PRKCB: variants seen among roughly 807,000 people sequenced by gnomAD.
PRKCB encodes protein kinase C beta.
In PRKCB, 13 loss-of-function variants were observed where a neutral mutation model predicts 81.5. That is an observed-to-expected ratio of 0.16 (90% CI 0.10 to 0.25). The LOEUF (loss-of-function observed/expected upper bound fraction) is 0.25, where lower values mean the gene tolerates loss of function less well. PRKCB is among the 10% of genes least tolerant of loss of function. PRKCB has a pLI of 1.00. For missense variants in PRKCB, 509 were observed against 875.7 expected, an observed-to-expected ratio of 0.58 and a Z score of 5.29; for synonymous variants, 335 against 321.4, an observed-to-expected ratio of 1.04 and a Z score of -0.45.
intron 7 of PRKCB, among the ~76,000 whole-genome samples, chr16:24,110,089 AGAGAGGGAGAGGGAGACCGTGGGGAGAGG>A (rs1311517204): frequency 2.3e-5 from 3 of 132,844 alleles, no homozygotes; most frequent in African/African-American, 9.8e-5. Context: ...GACCGTGGAA[AGAGAGGGAGAGGGAGACCGTGGGGAGAGG>A]GAGAGGGAGA....
At chr16:23,907,513 G>A (rs140363209) in intron 2 of PRKCB, among the ~76,000 whole-genome samples, 2 of 152,212 alleles carry the variant, frequency 1.3e-5, no homozygotes, top group African/African-American at 4.8e-5. Context: ...CAATCCTCTT[G>A]CCTAGGCCTC....
chr16:24,076,181 T>C (rs923940164), intron 5 of PRKCB, among the ~76,000 whole-genome samples: 1 of 152,158 alleles, frequency 6.6e-6, no homozygotes, highest in Non-Finnish European at 1.5e-5. Context: ...TTCTCAGTCA[T>C]GGTGTGAGGG....
chr16:23,888,103 T>C (rs971911556), intron 2 of PRKCB, among the ~76,000 whole-genome samples: 1 of 152,230 alleles, frequency 6.6e-6, no homozygotes, highest in Non-Finnish European at 1.5e-5. Context: ...CTTCTTTGTT[T>C]TCCCAGCTTG....
In PRKCB at chr16:24,048,817, GC is replaced by G. The variant is rs753194814; in HGVS notation, c.529+13271del. ...TTTCTAAAACCCTTCCAAATGCCTGGCTTTTGCTAGGAACTCTACAAGCGTT... is the reference window on the plus strand; with the variant it reads ...TTTCTAAAACCCTTCCAAATGCCTGGTTTTGCTAGGAACTCTACAAGCGTT... On this transcript the variant is annotated intron_variant, in intron 5 of 16. Coordinates refer to ENST00000643927, the MANE Select transcript of PRKCB (RefSeq NM_002738.7). Among the ~76,000 whole-genome samples, 16 of 152,132 alleles carry G rather than the reference GC, an allele frequency of 1.1e-4. 3 individuals carry two copies. Among genetic ancestry groups the G allele is most frequent in the Admixed American group, 3.3e-4 (5 of 15,290 alleles).
At chr16:24,213,036 A>ATTTATTTC (rs1968170517) in intron 16 of PRKCB, among the ~76,000 whole-genome samples, 1 of 149,958 alleles carries the variant, frequency 6.7e-6, no homozygotes, top group East Asian at 2.0e-4. Context: ...TTATTTATTT[A>ATTTATTTC]TTTATTTATT....
intron 2 of PRKCB, among the ~76,000 whole-genome samples, chr16:23,910,784 C>T (rs1421452973): frequency 2.0e-5 from 3 of 152,078 alleles, no homozygotes; most frequent in Non-Finnish European, 2.9e-5. Flanking sequence ...TCTCATCACC[C>T]CCGAAAGAAA....
intron 2 of PRKCB, 89 bp downstream of exon 2, chr16:23,837,495 G>A: frequency 6.7e-7 from 1 of 1,503,142 alleles, no homozygotes; most frequent in Admixed American, 2.1e-5. Context: ...GGCAGAGAGT[G>A]AAAGAATCAC....
chr16:23,985,083 T>G (rs922754274), intron 2 of PRKCB, among the ~76,000 whole-genome samples: 3 of 152,142 alleles, frequency 2.0e-5, no homozygotes, highest in African/African-American at 7.2e-5. Context: ...TCCTATTGTT[T>G]TTGTTTGTTT....
intron 2 of PRKCB, among the ~76,000 whole-genome samples, chr16:23,899,603 A>ACTCTCT (rs370318979): frequency 4.4e-5 from 2 of 45,568 alleles, no homozygotes; most frequent in African/African-American, 1.4e-4. Flanking sequence ...ATCCATAAGA[A>ACTCTCT]CTCTCTCTCT....
At chr16:24,113,214 CTTCTTTCTCCTTTCT>C (rs1251109922) in intron 8 of PRKCB, 145 bp downstream of exon 8, 6 of 550,222 alleles carry the variant, frequency 1.1e-5, no homozygotes, top group Non-Finnish European at 1.8e-5. Flanking sequence ...CTTTTCTTTC[CTTCTTTCTCCTTTCT>C]TTCTTTCTTG....
intron 2 of PRKCB, among the ~76,000 whole-genome samples, chr16:23,913,193 G>A (rs543577340): frequency 1.9e-4 from 29 of 152,250 alleles, no homozygotes; most frequent in African/African-American, 7.0e-4. Flanking sequence ...GAACAGGAAA[G>A]CAGGTGTACC....
intron 3 of PRKCB, among the ~76,000 whole-genome samples, chr16:24,020,638 C>G (rs1965345401): frequency 6.6e-6 from 1 of 152,168 alleles, no homozygotes. Context: ...TAAGTCACTT[C>G]CCTGAGGTCA....
chr16:24,156,731 A>G (rs1000422885), intron 10 of PRKCB, among the ~76,000 whole-genome samples: 19 of 152,228 alleles, frequency 1.2e-4, no homozygotes, highest in Admixed American at 1.0e-3. Context: ...TAGTCTTACC[A>G]TGGGGATTTA....
chr16:24,082,450 A>G (rs1168500080), intron 5 of PRKCB, among the ~76,000 whole-genome samples: 2 of 152,212 alleles, frequency 1.3e-5, no homozygotes, highest in African/African-American at 2.4e-5. Flanking sequence ...ACTGTACCCA[A>G]TCTTAAGACT....
Position 24,217,931 on chromosome 16 carries a change from G to T in PRKCB, c.*3115G>T, listed in dbSNP as rs1968256263. ...TTTGGGAGACCTTTAGGATCAATGG[G>T]AATCAATTCCATTGTTTTGCCTCAG... On this transcript the variant is annotated 3_prime_UTR_variant, in exon 17 of 17. Coordinates refer to ENST00000643927, the MANE Select transcript of PRKCB (RefSeq NM_002738.7). 1.0e-6 allele frequency: 1 copy of T among 985,242 alleles called. No homozygotes were observed. Among genetic ancestry groups the T allele is most frequent in the South Asian group, 4.7e-5 (1 of 21,284 alleles). 61.0% of individuals were successfully genotyped at this position (985,242 alleles called of 1,614,324 possible).
intron 7 of PRKCB, among the ~76,000 whole-genome samples, chr16:24,108,196 T>C (rs1966602654): frequency 6.6e-6 from 1 of 150,848 alleles, no homozygotes; most frequent in South Asian, 2.1e-4. Context: ...GAACATTAAT[T>C]AGGTTTTATT....
chr16:24,018,412 C>A (rs894043867), intron 3 of PRKCB, among the ~76,000 whole-genome samples: 5 of 152,184 alleles, frequency 3.3e-5, no homozygotes, highest in African/African-American at 1.2e-4. Context: ...CAGTATCTCA[C>A]TGAACTCTTA....
At chr16:24,186,978 G>T (rs998071843) in intron 15 of PRKCB, among the ~76,000 whole-genome samples, 1 of 152,022 alleles carries the variant, frequency 6.6e-6, no homozygotes, top group Non-Finnish European at 1.5e-5. Context: ...GAGTCCCAGA[G>T]GTGCATTAGG....
intron 3 of PRKCB, among the ~76,000 whole-genome samples, chr16:24,021,503 G>T (rs1373825835): frequency 1.3e-5 from 2 of 151,578 alleles, no homozygotes; most frequent in Non-Finnish European, 2.9e-5. Context: ...ACTCTGGTTT[G>T]GGGGTGGCAG....
Sources: allele counts gnomAD v4.1 joint callset (sites outside exome capture counted in the v4.1 genomes callset), GRCh38; gene constraint gnomAD v4.1.1; transcripts MANE v1.5; gene names NCBI Gene and HGNC (gene_info 2026-07-23, HGNC 2026-07-21).